Variants in MICAL3 observed in about 807,000 individuals in gnomAD.
MICAL3 encodes [F-actin]-monooxygenase MICAL3.
MICAL3 carries 62 observed loss-of-function variants against 207.4 expected under a neutral mutation model. The ratio of observed to expected loss-of-function variants is 0.30; its 90% CI spans 0.24 to 0.37. The LOEUF (loss-of-function observed/expected upper bound fraction) is 0.37, where lower values mean the gene tolerates loss of function less well. Ranked by LOEUF, MICAL3 falls within the 10% of genes least tolerant of loss-of-function variation. MICAL3 has a pLI of 1.00. For missense variants in MICAL3, 2,368 were observed against 2,635.6 expected (o/e 0.90, Z 2.22); for synonymous variants, 1,077 against 1,069.3 (o/e 1.01, Z -0.14).
rs557538486 is a variant in MICAL3 at position 17,788,003 on chromosome 22, G to T, written c.*2729C>A. On this transcript the variant is annotated 3_prime_UTR_variant, in exon 32 of 32. Transcript: ENST00000441493. ...TGAGTCTGGGCTGCTCCCGCACCTG[G>T]TGTTTTATGCGTGTGATATATGTGT... 2 of 152,382 alleles carry T rather than the reference G, an allele frequency of 1.3e-5. No individual in the cohort carries two copies. Among genetic ancestry groups the T allele is most frequent in the Admixed American group, 1.3e-4 (2 of 15,302 alleles). 9.4% of individuals were successfully genotyped at this position (152,382 alleles called of 1,614,324 possible).
At chr22:17,927,243 G>T (rs569838280) in intron 1 of MICAL3, among the ~76,000 whole-genome samples, 10 of 152,240 alleles carry the variant, frequency 6.6e-5, no homozygotes, top group African/African-American at 2.4e-4. Flanking sequence ...CATCCACATT[G>T]TAACATATAC....
intron 29 of MICAL3, among the ~76,000 whole-genome samples, chr22:17,799,977 C>T (rs1391214369): frequency 6.9e-6 from 1 of 145,264 alleles, no homozygotes; most frequent in African/African-American, 2.8e-5. Context: ...CACACACACA[C>T]ACACACGCGT....
chr22:17,922,571 T>G (rs1356644538), intron 1 of MICAL3, among the ~76,000 whole-genome samples: 2 of 152,134 alleles, frequency 1.3e-5, no homozygotes, highest in African/African-American at 4.8e-5. Flanking sequence ...TCACTGGTAT[T>G]ATGATGTTGA....
rs1924655894 is a variant in MICAL3 at position 18,024,185 on chromosome 22, G to A, written c.-75+96C>T. The A allele has an allele frequency of 1.3e-5, 2 of 152,280 alleles. 1 individual carries two copies. Among genetic ancestry groups the A allele is most frequent in the South Asian group, 4.1e-4 (2 of 4,840 alleles). The allele number at this position is 152,280 out of a possible 1,614,324, so 9.4% of individuals were successfully genotyped here. On this transcript the variant is annotated intron_variant, in intron 1 of 31. Coordinates refer to ENST00000441493, the MANE Select transcript of MICAL3 (RefSeq NM_015241.3). ...CAAAGGAAACGCTTCCCCACCATAA[G>A]CAATCTAAATAAATGATTCTTAGAA...
chr22:17,870,253 C>T (rs1404245092), intron 17 of MICAL3, among the ~76,000 whole-genome samples: 3 of 152,184 alleles, frequency 2.0e-5, no homozygotes, highest in African/African-American at 7.2e-5. Flanking sequence ...CTGCCCTCTA[C>T]TCAGTCACCA....
chr22:17,850,049 T>G (rs1373152218), intron 19 of MICAL3, among the ~76,000 whole-genome samples: 1 of 152,064 alleles, frequency 6.6e-6, no homozygotes, highest in Non-Finnish European at 1.5e-5. Flanking sequence ...TGGGGTAACT[T>G]TACTTGTATG....
rs138125228 is a variant in MICAL3, at chr22:17,808,147, G to A, written c.5650+697C>T. On this transcript the variant is annotated intron_variant, in intron 29 of 31. Coordinates refer to ENST00000441493, the MANE Select transcript of MICAL3 (RefSeq NM_015241.3). ...GCCCAACTATGCTGAGCGCAGCCGC[G>A]CAGGTTCCCTGGATGGAATGGCAGG... Among the ~76,000 whole-genome samples the A allele has an allele frequency of 4.6e-5, 7 of 152,376 alleles. No homozygotes were observed. In the East Asian group the frequency reaches 1.3e-3, roughly 29 times the overall value.
chr22:17,909,892 T>A (rs553486128), intron 1 of MICAL3, among the ~76,000 whole-genome samples: 2 of 152,312 alleles, frequency 1.3e-5, no homozygotes, highest in South Asian at 4.1e-4. Flanking sequence ...CCTCCTGACC[T>A]CTTTGTGGGA....
chr22:17,895,097 C>T (rs1242397474), intron 10 of MICAL3, among the ~76,000 whole-genome samples, 187 bp downstream of exon 10: 1 of 152,182 alleles, frequency 6.6e-6, no homozygotes, highest in Non-Finnish European at 1.5e-5. Context: ...CAACTCTATG[C>T]CTTAGCTCTC....
At chr22:17,849,646 G>A (rs920783963) in intron 19 of MICAL3, among the ~76,000 whole-genome samples, 1 of 10,568 alleles carries the variant, frequency 9.5e-5, no homozygotes, top group East Asian at 5.2e-3. Flanking sequence ...AGAATGGAAT[G>A]TGTGTGTGTG....
rs1211410567 is a variant in MICAL3 at position 17,864,721 on chromosome 22, A to G, written c.2605+178T>C. The G allele has an allele frequency of 5.6e-6, 9 of 1,613,478 alleles. 1 individual carries two copies. The South Asian group carries it at 6.6e-5, about 12-fold the overall frequency. On this transcript the variant is annotated intron_variant, in intron 19 of 31. Transcript: ENST00000441493. Reference sequence around the variant, plus strand: ...CACCAGCACCTCCGACAGGCCATAGAGAAAGGGGACTCCGAACGCAAGCAG... The same window carrying G: ...CACCAGCACCTCCGACAGGCCATAGGGAAAGGGGACTCCGAACGCAAGCAG...
chr22:17,891,195 G>A (rs538310906), intron 12 of MICAL3, among the ~76,000 whole-genome samples: 123 of 152,104 alleles, frequency 8.1e-4, no homozygotes, highest in African/African-American at 2.9e-3. Context: ...GCCCAGGTGG[G>A]TGTCAAAACC....
chr22:17,942,638 A>G (rs141500797), intron 1 of MICAL3, among the ~76,000 whole-genome samples: 9 of 152,340 alleles, frequency 5.9e-5, no homozygotes, highest in Middle Eastern at 3.4e-3. Flanking sequence ...GGACTGCTGT[A>G]GGGCCACTGC....
intron 1 of MICAL3, among the ~76,000 whole-genome samples, chr22:17,974,223 G>C (rs1935536497): frequency 6.6e-6 from 1 of 152,172 alleles, no homozygotes; most frequent in South Asian, 2.1e-4. Flanking sequence ...CCACCCTGCT[G>C]TCTGCCCTGG....
chr22:17,908,473 A>G (rs1931905640), intron 1 of MICAL3, among the ~76,000 whole-genome samples: 2 of 151,980 alleles, frequency 1.3e-5, no homozygotes, highest in Admixed American at 1.3e-4. Context: ...ACGCCCGGCT[A>G]ATTTTTTGTA....
chr22:17,822,844 G>A, intron 23 of MICAL3, 103 bp downstream of exon 23: 2 of 667,928 alleles, frequency 3.0e-6, no homozygotes. Flanking sequence ...GAAGGAACCA[G>A]GAGGCCCAAC....
intron 1 of MICAL3, among the ~76,000 whole-genome samples, chr22:17,928,774 T>C (rs1933059529): frequency 6.6e-6 from 1 of 152,200 alleles, no homozygotes; most frequent in Admixed American, 6.5e-5. Context: ...ACAACCCTGA[T>C]GTGACAAATG....
intron 29 of MICAL3, among the ~76,000 whole-genome samples, chr22:17,805,235 C>A (rs1198561648): frequency 1.3e-5 from 2 of 152,186 alleles, no homozygotes; most frequent in African/African-American, 4.8e-5. Flanking sequence ...CTTCAGGGCT[C>A]AGCCAGGTGC....
rs74921418 is a variant in MICAL3 at position 17,852,300 on chromosome 22, C to G, written c.2606-10283G>C. ...CAGTGCCCATGACTACCCTGTAAAACGTCAATCACAGTCACACTTCTGTTT... is the reference window on the plus strand; with the variant it reads ...CAGTGCCCATGACTACCCTGTAAAAGGTCAATCACAGTCACACTTCTGTTT... On this transcript the variant is annotated intron_variant, in intron 19 of 31. Transcript: ENST00000441493. Among the ~76,000 whole-genome samples, 363 of 152,306 alleles carry G rather than the reference C, an allele frequency of 2.4e-3. 1 individual carries two copies. Among genetic ancestry groups the G allele is most frequent in the African/African-American group, 8.4e-3 (349 of 41,550 alleles).
Sources: allele counts gnomAD v4.1 joint callset (sites outside exome capture counted in the v4.1 genomes callset), GRCh38; gene constraint gnomAD v4.1.1; transcripts MANE v1.5; gene names NCBI Gene and HGNC (gene_info 2026-07-23, HGNC 2026-07-21).